The following ZNF799 variants were observed in gnomAD, a reference collection of about 807,000 sequenced individuals.
ZNF799 encodes the protein zinc finger protein 14.
ZNF799 carries 28 observed loss-of-function variants against 41.0 expected under a neutral mutation model. The ratio of observed to expected loss-of-function variants is 0.68; its 90% CI spans 0.51 to 0.94. ZNF799 has a LOEUF of 0.94. Among genes scored for constraint, ZNF799 ranks in the 40% least tolerant of loss-of-function variants. ZNF799 has a pLI of 0.00. For missense variants in ZNF799, 716 were observed against 764.3 expected, an observed-to-expected ratio of 0.94 and a Z score of 0.74; for synonymous variants, 213 against 252.9, an observed-to-expected ratio of 0.84 and a Z score of 1.50.
chr19:12,413,358 G>A, the ZNF799 span, among the ~76,000 whole-genome samples: 1 of 152,160 alleles, frequency 6.6e-6, no homozygotes. Flanking sequence ...AATGGAGGTT[G>A]GAACACATCC....
In ZNF799 at chr19:12,390,322, G is replaced by A; in HGVS notation, c.*144C>T. On this transcript the variant is annotated 3_prime_UTR_variant, in exon 4 of 4. Coordinates refer to ENST00000430385, the MANE Select transcript of ZNF799 (RefSeq NM_001080821.3). The stretch of plus-strand genomic sequence containing the variant: ...ACCCAGCAGGTATCAAGGGATGACT[G>A]TACTGGAAAGAAACTGAAATTACTT... 1.4e-6 allele frequency: 2 copies of A among 1,478,956 alleles called. No individual in the cohort carries two copies. Among genetic ancestry groups the A allele is most frequent in the Middle Eastern group, 1.8e-4 (1 of 5,434 alleles). 91.6% of individuals were successfully genotyped at this position (1,478,956 alleles called of 1,614,324 possible).
At chr19:12,399,771 G>A (rs1208208183) in intron 1 of ZNF799, among the ~76,000 whole-genome samples, 1 of 151,512 alleles carries the variant, frequency 6.6e-6, no homozygotes, top group Non-Finnish European at 1.5e-5. Context: ...AGCCTCAGGA[G>A]TAGCTGCGAC....
the ZNF799 span, among the ~76,000 whole-genome samples, chr19:12,406,373 AC>A: frequency 6.6e-6 from 1 of 150,832 alleles, no homozygotes; most frequent in Non-Finnish European, 1.5e-5. Context: ...AGTCCCAGCT[AC>A]TTGGGAGGCT....
intron 1 of ZNF799, chr19:12,393,643 A>C (rs563252943): frequency 7.1e-7 from 1 of 1,405,706 alleles, no homozygotes; most frequent in East Asian, 2.6e-5. Context: ...GGATAGAAAC[A>C]TGCCACTTGT....
upstream of ZNF799, among the ~76,000 whole-genome samples, chr19:12,401,437 T>C (rs540857451): frequency 4.7e-4 from 71 of 152,202 alleles, no homozygotes; most frequent in African/African-American, 1.6e-3. Flanking sequence ...CTCTTTGATC[T>C]GAATCCTCCC....
chr19:12,402,202 T>G (rs1185715748), upstream of ZNF799, among the ~76,000 whole-genome samples: 4 of 152,236 alleles, frequency 2.6e-5, no homozygotes, highest in African/African-American at 9.6e-5. Context: ...CCTCAGCCTC[T>G]CAAGTAGCTT....
At chr19:12,392,964 C>A (rs62111332) in intron 2 of ZNF799, among the ~76,000 whole-genome samples, 1 of 123,876 alleles carries the variant, frequency 8.1e-6, no homozygotes, top group Non-Finnish European at 1.7e-5. Flanking sequence ...ACAGTAAATA[C>A]AGTTTCTCTT....
At chr19:12,403,834 G>C (rs2144916656), upstream of ZNF799, among the ~76,000 whole-genome samples, 1 of 152,256 alleles carries the variant, frequency 6.6e-6, no homozygotes, top group African/African-American at 2.4e-5. Context: ...TTACAGGTGG[G>C]AGCCACCGCA....
the ZNF799 span, among the ~76,000 whole-genome samples, chr19:12,411,049 G>C: frequency 2.4e-4 from 36 of 152,224 alleles, 1 homozygote; most frequent in Admixed American, 1.6e-3. Flanking sequence ...GAGAAGCAGA[G>C]AGAAATCATG....
At chr19:12,404,786 C>G (rs532368175), upstream of ZNF799, among the ~76,000 whole-genome samples, 2 of 152,298 alleles carry the variant, frequency 1.3e-5, no homozygotes, top group African/African-American at 4.8e-5. Flanking sequence ...TAAAATACAT[C>G]AAAAGCCTGC....
chr19:12,400,721 A>T (rs1261790939), intron 1 of ZNF799: 1 of 492,992 alleles, frequency 2.0e-6, no homozygotes, highest in Non-Finnish European at 3.6e-6. Flanking sequence ...CTCTCTGGCT[A>T]TTAAACTGTT....
At chr19:12,401,387 G>A (rs762123248), upstream of ZNF799, 24 of 656,518 alleles carry the variant, frequency 3.7e-5, no homozygotes, top group South Asian at 5.5e-4. Context: ...AGATGAGCAA[G>A]TTCCTGACAC....
chr19:12,397,630 A>G (rs1969916558), intron 1 of ZNF799, among the ~76,000 whole-genome samples: 2 of 151,900 alleles, frequency 1.3e-5, no homozygotes, highest in Admixed American at 6.5e-5. Context: ...ATACTATTAG[A>G]AGAAAATACA....
intron 3 of ZNF799, among the ~76,000 whole-genome samples, 157 bp from the exon 4 acceptor site, chr19:12,392,363 C>T (rs1395568737): frequency 1.3e-5 from 2 of 152,208 alleles, no homozygotes; most frequent in African/African-American, 4.8e-5. Flanking sequence ...CAAGGTAACT[C>T]GACCCAGGTG....
intron 1 of ZNF799, among the ~76,000 whole-genome samples, chr19:12,397,258 A>C (rs1459069571): frequency 6.6e-6 from 1 of 152,108 alleles, no homozygotes; most frequent in African/African-American, 2.4e-5. Flanking sequence ...TCAATAATAA[A>C]ATGTTAAGAA....
intron 1 of ZNF799, among the ~76,000 whole-genome samples, chr19:12,398,913 G>T (rs1446182043): frequency 6.6e-6 from 1 of 151,772 alleles, no homozygotes; most frequent in African/African-American, 2.4e-5. Flanking sequence ...AATAAATAAA[G>T]GTTTTTAAAA....
chr19:12,409,136 G>C, the ZNF799 span, among the ~76,000 whole-genome samples: 1 of 152,136 alleles, frequency 6.6e-6, no homozygotes, highest in Non-Finnish European at 1.5e-5. Flanking sequence ...CGCTGTAGGG[G>C]AATGGTTTCT....
chr19:12,391,723 A>G lies in ZNF799; in HGVS notation c.675T>C (p.Tyr225=). 6.2e-7 allele frequency: 1 copy of G among 1,614,132 alleles called. No individual in the cohort carries two copies. Among genetic ancestry groups the G allele is most frequent in the Non-Finnish European group, 8.5e-7 (1 of 1,180,000 alleles). The change falls in exon 4 of 4, where the codon TAT becomes TAC. Residue 225 remains tyrosine, a synonymous_variant. Coordinates refer to ENST00000430385, the MANE Select transcript of ZNF799 (RefSeq NM_001080821.3). ...HERTHTGEKP[Y]ECKQCSKAFS... The stretch of plus-strand genomic sequence containing the variant: ...AGGCTTTAGAACACTGCTTACATTC[A>G]TATGGTTTCTCTCCAGTGTGCGTTC...
the ZNF799 span, among the ~76,000 whole-genome samples, chr19:12,406,370 G>C: frequency 0.022 from 3,376 of 150,544 alleles, 130 homozygotes; most frequent in African/African-American, 0.078. Flanking sequence ...TGTAGTCCCA[G>C]CTACTTGGGA....
Sources: allele counts gnomAD v4.1 joint callset (sites outside exome capture counted in the v4.1 genomes callset), GRCh38; gene constraint gnomAD v4.1.1; transcripts MANE v1.5; gene names NCBI Gene and HGNC (gene_info 2026-07-23, HGNC 2026-07-21).